The following PCDH9 variants were observed in gnomAD, a reference collection of about 807,000 sequenced individuals.
PCDH9 encodes protocadherin-9.
PCDH9 carries 24 observed loss-of-function variants against 70.6 expected under a neutral mutation model. The observed-to-expected ratio is 0.34, with a 90% CI of 0.25 to 0.48. The LOEUF (loss-of-function observed/expected upper bound fraction) is 0.48, where lower values mean the gene tolerates loss of function less well. PCDH9 is among the 20% of genes least tolerant of loss of function. PCDH9 has a pLI of 0.99. For synonymous variants in PCDH9, 562 were observed against 558.5 expected, an observed-to-expected ratio of 1.01 and a Z score of -0.09; for missense variants, 1,281 against 1,503.6, an observed-to-expected ratio of 0.85 and a Z score of 2.45.
intron 2 of PCDH9, among the ~76,000 whole-genome samples, chr13:67,098,422 CA>C (rs2086365877): frequency 1.3e-5 from 2 of 152,024 alleles, no homozygotes; most frequent in Admixed American, 6.6e-5. Context: ...AATAAAAAAT[CA>C]ATAAATGATT....
intron 3 of PCDH9, among the ~76,000 whole-genome samples, chr13:66,891,608 G>A (rs1237061973): frequency 1.3e-5 from 2 of 151,966 alleles, no homozygotes; most frequent in African/African-American, 4.8e-5. Context: ...AAGTAGCTTG[G>A]CTTCCAGGGA....
intron 2 of PCDH9, chr13:67,222,320 G>A (rs1181218094): frequency 3.6e-5 from 5 of 139,678 alleles, no homozygotes; most frequent in African/African-American, 1.1e-4. Flanking sequence ...AACCTATAAA[G>A]GCTAATCGCA....
intron 3 of PCDH9, among the ~76,000 whole-genome samples, chr13:66,731,993 GAAAGTAAAAA>G (rs1175932596): frequency 6.6e-6 from 1 of 151,898 alleles, no homozygotes; most frequent in Non-Finnish European, 1.5e-5. Context: ...CATTGGCTTT[GAAAGTAAAAA>G]TACATTAAAA....
chr13:66,360,609 T>C (rs1956454081), intron 4 of PCDH9, among the ~76,000 whole-genome samples: 1 of 152,144 alleles, frequency 6.6e-6, no homozygotes, highest in Non-Finnish European at 1.5e-5. Context: ...ATTCAAATTT[T>C]CTACCTATAA....
intron 3 of PCDH9, among the ~76,000 whole-genome samples, chr13:66,707,673 C>G (rs1160206891): frequency 1.3e-5 from 2 of 152,176 alleles, no homozygotes; most frequent in Non-Finnish European, 2.9e-5. Context: ...GGAAAAGAAA[C>G]ATGCTCCTCT....
At chr13:66,417,343 C>T (rs1346914833) in intron 4 of PCDH9, among the ~76,000 whole-genome samples, 1 of 152,130 alleles carries the variant, frequency 6.6e-6, no homozygotes, top group Non-Finnish European at 1.5e-5. Context: ...GATGTCCCTG[C>T]AAAGGACAGG....
chr13:66,971,351 A>C (rs2083518981), intron 2 of PCDH9, among the ~76,000 whole-genome samples: 1 of 152,080 alleles, frequency 6.6e-6, no homozygotes, highest in Non-Finnish European at 1.5e-5. Flanking sequence ...TATAAACAAA[A>C]CCAAACACAA....
At chr13:66,673,262 G>A (rs1439309865) in intron 3 of PCDH9, among the ~76,000 whole-genome samples, 6 of 152,084 alleles carry the variant, frequency 3.9e-5, no homozygotes, top group Non-Finnish European at 5.9e-5. Flanking sequence ...ATTTTATAAA[G>A]GGCAGTTCCC....
intron 3 of PCDH9, among the ~76,000 whole-genome samples, chr13:66,680,583 C>T (rs1338321366): frequency 8.3e-6 from 1 of 120,190 alleles, no homozygotes; most frequent in Non-Finnish European, 1.7e-5. Context: ...TTTTTCAGGT[C>T]GAACTTTTAT....
At chr13:66,943,756 G>A (rs1173986374) in intron 2 of PCDH9, among the ~76,000 whole-genome samples, 2 of 151,978 alleles carry the variant, frequency 1.3e-5, no homozygotes, top group Admixed American at 6.6e-5. Context: ...AGGAATATGA[G>A]AAAACTTCAA....
At chr13:66,590,631 CTGTT>C (rs1323716605) in intron 4 of PCDH9, among the ~76,000 whole-genome samples, 4 of 151,814 alleles carry the variant, frequency 2.6e-5, no homozygotes, top group Admixed American at 2.6e-4. Context: ...TAACATAACA[CTGTT>C]TGTTGAAACT....
intron 3 of PCDH9, among the ~76,000 whole-genome samples, chr13:66,749,854 C>T (rs896624817): frequency 6.6e-6 from 1 of 152,144 alleles, no homozygotes; most frequent in African/African-American, 2.4e-5. Flanking sequence ...TGCTCCATCC[C>T]TTGCACCCTA....
At chr13:66,735,888 C>T (rs2079140632) in intron 3 of PCDH9, among the ~76,000 whole-genome samples, 1 of 151,730 alleles carries the variant, frequency 6.6e-6, no homozygotes, top group Non-Finnish European at 1.5e-5. Flanking sequence ...TGCTTGAATC[C>T]AGGAGGCAGA....
chr13:66,740,713 C>A (rs1435999889), intron 3 of PCDH9, among the ~76,000 whole-genome samples: 5 of 152,208 alleles, frequency 3.3e-5, no homozygotes, highest in African/African-American at 1.2e-4. Context: ...CTACAAACAA[C>A]TCTATGCAAA....
rs185158885 is a variant in PCDH9, at chr13:66,616,878, C to T, written c.3340+14332G>A. Among the ~76,000 whole-genome samples the T allele has an allele frequency of 6.5e-3, 984 of 152,198 alleles. 9 individuals are homozygous for T. Among genetic ancestry groups the T allele is most frequent in the Admixed American group, 0.017 (258 of 15,288 alleles). On this transcript the variant is annotated intron_variant, in intron 4 of 4. Transcript: ENST00000377865. ...ATGATAAGGAGTCCGTACAATCCCC[C>T]AAGACACATTTTTGTCCCAGCCTCA...
At chr13:66,388,873 T>C (rs1956973781) in intron 4 of PCDH9, among the ~76,000 whole-genome samples, 1 of 152,176 alleles carries the variant, frequency 6.6e-6, no homozygotes, top group South Asian at 2.1e-4. Context: ...AGTAGGTCCA[T>C]ACATATTCAG....
At chr13:66,421,987 A>C (rs958284814) in intron 4 of PCDH9, among the ~76,000 whole-genome samples, 1 of 152,208 alleles carries the variant, frequency 6.6e-6, no homozygotes, top group African/African-American at 2.4e-5. Flanking sequence ...ATGGAAAGCA[A>C]ATAAAAAGAG....
At chr13:66,378,695 A>G (rs996566510) in intron 4 of PCDH9, among the ~76,000 whole-genome samples, 4 of 152,198 alleles carry the variant, frequency 2.6e-5, no homozygotes, top group Non-Finnish European at 5.9e-5. Flanking sequence ...ATTACATAGG[A>G]AAGATCTAGA....
At chr13:67,087,562 T>G (rs981354165) in intron 2 of PCDH9, among the ~76,000 whole-genome samples, 12 of 152,166 alleles carry the variant, frequency 7.9e-5, no homozygotes, top group Non-Finnish European at 1.6e-4. Context: ...TTAGCCTCCA[T>G]GAACGGCAGC....
Sources: allele counts gnomAD v4.1 joint callset (sites outside exome capture counted in the v4.1 genomes callset), GRCh38; gene constraint gnomAD v4.1.1; transcripts MANE v1.5; gene names NCBI Gene and HGNC (gene_info 2026-07-23, HGNC 2026-07-21).